SYN3: variants seen among roughly 807,000 people sequenced by gnomAD.
The protein encoded by SYN3 is synapsin-3.
In SYN3, 35 loss-of-function variants were observed where a neutral mutation model predicts 65.8. The ratio of observed to expected loss-of-function variants is 0.53; its 90% CI spans 0.41 to 0.70. The LOEUF (loss-of-function observed/expected upper bound fraction) is 0.70, where lower values mean the gene tolerates loss of function less well. Among genes scored for constraint, SYN3 ranks in the 30% least tolerant of loss-of-function variants. The pLI is 0.00. For synonymous variants in SYN3, 270 were observed against 292.9 expected (o/e 0.92, Z 0.80); for missense variants, 680 against 749.0 (o/e 0.91, Z 1.08).
intron 7 of SYN3, 98 bp from the exon 8 acceptor site, chr22:32,541,811 C>T: frequency 2.1e-6 from 3 of 1,408,626 alleles, no homozygotes; most frequent in East Asian, 5.0e-5. Flanking sequence ...ACACGAATTC[C>T]CTTCAGAAGG....
At chr22:32,517,258 C>T (rs1159743767) in intron 13 of SYN3, among the ~76,000 whole-genome samples, 1 of 152,228 alleles carries the variant, frequency 6.6e-6, no homozygotes, top group Non-Finnish European at 1.5e-5. Flanking sequence ...AAGGCTGGGC[C>T]TCAAGAGGCC....
At chr22:32,973,030 A>C (rs1267027544) in intron 3 of SYN3, among the ~76,000 whole-genome samples, 1 of 152,070 alleles carries the variant, frequency 6.6e-6, no homozygotes, top group Non-Finnish European at 1.5e-5. Context: ...AAAACAAAAC[A>C]ACAGCAACAA....
At chr22:33,006,326 G>A (rs1431860617) in intron 2 of SYN3, 26 bp downstream of exon 2, 2 of 1,575,552 alleles carry the variant, frequency 1.3e-6, no homozygotes, top group Non-Finnish European at 8.6e-7. Context: ...CCCAGAAGGT[G>A]GTAGCACTTG....
chr22:32,868,466 GTT>G (rs1193522086), intron 5 of SYN3, among the ~76,000 whole-genome samples: 1 of 151,608 alleles, frequency 6.6e-6, no homozygotes, highest in East Asian at 1.9e-4. Flanking sequence ...TCGAGACAGA[GTT>G]TCGCTGTTGT....
intron 3 of SYN3, among the ~76,000 whole-genome samples, chr22:32,962,255 C>T (rs775339751): frequency 1.9e-4 from 29 of 151,190 alleles, no homozygotes; most frequent in Non-Finnish European, 8.8e-5. Flanking sequence ...CCTGCCTCAG[C>T]CTCCTGAGTA....
chr22:32,561,002 A>AT (rs2146351474), intron 7 of SYN3, among the ~76,000 whole-genome samples: 1 of 152,302 alleles, frequency 6.6e-6, no homozygotes, highest in East Asian at 1.9e-4. Flanking sequence ...TGGCTGGAGC[A>AT]TTTTGAAGGC....
At chr22:32,865,522 T>A (rs538390458) in intron 5 of SYN3, among the ~76,000 whole-genome samples, 1 of 152,336 alleles carries the variant, frequency 6.6e-6, no homozygotes, top group East Asian at 1.9e-4. Flanking sequence ...CCTCATGGGA[T>A]TGTTGTAAGG....
At chr22:32,912,490 A>T (rs1198907948) in intron 4 of SYN3, among the ~76,000 whole-genome samples, 2 of 152,036 alleles carry the variant, frequency 1.3e-5, no homozygotes, top group Non-Finnish European at 2.9e-5. Context: ...TCGAGGTGGG[A>T]GGGTAAGTTG....
chr22:32,991,967 C>T (rs920096004), intron 2 of SYN3, among the ~76,000 whole-genome samples: 3 of 152,234 alleles, frequency 2.0e-5, no homozygotes, highest in African/African-American at 7.2e-5. Flanking sequence ...AGCCCTGCCT[C>T]CCCCAGGGCA....
At chr22:32,652,977 G>A (rs1172410726) in intron 6 of SYN3, among the ~76,000 whole-genome samples, 1 of 152,170 alleles carries the variant, frequency 6.6e-6, no homozygotes, top group Non-Finnish European at 1.5e-5. Flanking sequence ...TCTTGCAATG[G>A]GGCTTTCATT....
intron 6 of SYN3, among the ~76,000 whole-genome samples, chr22:32,689,212 A>G (rs924262195): frequency 8.5e-5 from 13 of 152,308 alleles, no homozygotes; most frequent in South Asian, 8.3e-4. Flanking sequence ...GGCAGAGACT[A>G]CAGCAGTCTA....
intron 6 of SYN3, among the ~76,000 whole-genome samples, chr22:32,731,323 G>A (rs2061267652): frequency 6.6e-6 from 1 of 152,114 alleles, no homozygotes; most frequent in South Asian, 2.1e-4. Context: ...TTGGGGGTTG[G>A]GGGCATCTTT....
chr22:32,782,729 G>T (rs2046100901), intron 6 of SYN3, among the ~76,000 whole-genome samples: 1 of 151,768 alleles, frequency 6.6e-6, no homozygotes, highest in African/African-American at 2.4e-5. Context: ...ATGTTAGCCA[G>T]GATGGCCTCC....
chr22:33,023,927 G>T (rs1280529617), intron 1 of SYN3, among the ~76,000 whole-genome samples: 1 of 152,106 alleles, frequency 6.6e-6, no homozygotes, highest in Non-Finnish European at 1.5e-5. Flanking sequence ...GGACTTTTTG[G>T]TTCCAAACTG....
At chr22:32,894,698 A>C (rs189817320) in intron 4 of SYN3, among the ~76,000 whole-genome samples, 2 of 152,342 alleles carry the variant, frequency 1.3e-5, no homozygotes, top group East Asian at 3.9e-4. Context: ...CATCTGATTA[A>C]ACGTTATTCT....
intron 6 of SYN3, among the ~76,000 whole-genome samples, chr22:32,638,455 G>A (rs534093140): frequency 1.3e-5 from 2 of 152,234 alleles, no homozygotes; most frequent in South Asian, 4.1e-4. Flanking sequence ...CCTTTTCTCT[G>A]CAGCCTCACC....
chr22:32,999,163 T>C (rs1323739381), intron 2 of SYN3, among the ~76,000 whole-genome samples: 1 of 152,178 alleles, frequency 6.6e-6, no homozygotes, highest in Non-Finnish European at 1.5e-5. Flanking sequence ...GCCAGCATGA[T>C]GAAGTGTGTT....
At chr22:32,594,999 T>G (rs1489402513) in intron 7 of SYN3, among the ~76,000 whole-genome samples, 2 of 152,146 alleles carry the variant, frequency 1.3e-5, no homozygotes, top group Non-Finnish European at 2.9e-5. Context: ...TGGGCTCAAG[T>G]CCCCTCCAAT....
chr22:32,562,009 G>T (rs2058593519), intron 7 of SYN3, among the ~76,000 whole-genome samples: 1 of 152,186 alleles, frequency 6.6e-6, no homozygotes, highest in Non-Finnish European at 1.5e-5. Flanking sequence ...GTGGCTGACT[G>T]GTTGGAAGAG....
Sources: gnomAD v4.1 joint callset for allele counts (sites outside exome capture counted in the v4.1 genomes callset) on GRCh38, gnomAD v4.1.1 for gene constraint, MANE v1.5 for transcripts, NCBI Gene and HGNC (gene_info 2026-07-23, HGNC 2026-07-21) for gene names.